TFB1M: variants seen among roughly 807,000 people sequenced by gnomAD.
TFB1M encodes the protein dimethyladenosine transferase 1, mitochondrial.
A neutral mutation model predicts 31.1 loss-of-function variants in TFB1M; 27 were observed. The observed-to-expected ratio is 0.87, with a 90% CI of 0.64 to 1.20. TFB1M has a LOEUF of 1.20. TFB1M is among the 50% of genes most tolerant of loss of function. The pLI, the probability that TFB1M is intolerant of heterozygous loss-of-function variation, is 0.00. For missense variants in TFB1M, 394 were observed against 418.7 expected (o/e 0.94, Z 0.51); for synonymous variants, 166 against 151.8 (o/e 1.09, Z -0.69).
chr6:155,265,730 ATATATAT>A (rs796982299), intron 5 of TFB1M, among the ~76,000 whole-genome samples: 2,777 of 146,030 alleles, frequency 0.019, 68 homozygotes, highest in South Asian at 0.049. Context: ...TATAATATAA[ATATATAT>A]TATATATAAT....
intron 5 of TFB1M, among the ~76,000 whole-genome samples, chr6:155,268,098 A>G (rs1235055607): frequency 1.3e-5 from 2 of 152,178 alleles, no homozygotes; most frequent in African/African-American, 2.4e-5. Flanking sequence ...AGAATTTATG[A>G]ACACCCTTTA....
intron 5 of TFB1M, among the ~76,000 whole-genome samples, chr6:155,261,725 T>C (rs190719741): frequency 7.9e-5 from 12 of 152,176 alleles, no homozygotes; most frequent in African/African-American, 2.9e-4. Flanking sequence ...TCAGGTCAGC[T>C]ACAGCTGCTC....
the TFB1M span, chr6:155,244,849 A>G: frequency 3.3e-6 from 5 of 1,501,246 alleles, no homozygotes; most frequent in Non-Finnish European, 3.6e-6. Context: ...CTCTCATGAG[A>G]ATTCTCTCAT....
intron 4 of TFB1M, among the ~76,000 whole-genome samples, chr6:155,288,420 A>G (rs918429572): frequency 3.9e-5 from 6 of 152,238 alleles, no homozygotes; most frequent in African/African-American, 1.2e-4. Context: ...GATTTAAGTT[A>G]AAGAATAAGC....
At chr6:155,303,839 G>A (rs1415433690) in intron 2 of TFB1M, among the ~76,000 whole-genome samples, 1 of 152,154 alleles carries the variant, frequency 6.6e-6, no homozygotes, top group African/African-American at 2.4e-5. Context: ...ATCCACAGAA[G>A]AGAACTATTA....
chr6:155,245,522 T>C, the TFB1M span: 9 of 970,022 alleles, frequency 9.3e-6, no homozygotes, highest in Admixed American at 3.7e-5. Flanking sequence ...AAGGCATTAG[T>C]GCTATGGAAT....
chr6:155,246,528 G>C, the TFB1M span, among the ~76,000 whole-genome samples: 3 of 152,040 alleles, frequency 2.0e-5, no homozygotes, highest in Non-Finnish European at 4.4e-5. Flanking sequence ...GTAGAAATGG[G>C]TCTCACTGTG....
At chr6:155,267,350 TAG>T (rs1380878124) in intron 5 of TFB1M, among the ~76,000 whole-genome samples, 13 of 152,288 alleles carry the variant, frequency 8.5e-5, no homozygotes, top group Middle Eastern at 6.8e-3. Flanking sequence ...ACCTAAAATA[TAG>T]AGACAAATCT....
the TFB1M span, chr6:155,250,759 TC>T: frequency 8.9e-7 from 1 of 1,128,906 alleles, no homozygotes; most frequent in Non-Finnish European, 1.3e-6. Flanking sequence ...TTTCAAAAGC[TC>T]CACCGTTTAA....
downstream of TFB1M, chr6:155,254,970 A>G (rs1445614377): frequency 6.2e-6 from 1 of 161,700 alleles, no homozygotes; most frequent in East Asian, 1.7e-4. Context: ...GGTTCAACCT[A>G]CAATTTTTCG....
At chr6:155,266,446 G>C (rs186386897) in intron 5 of TFB1M, among the ~76,000 whole-genome samples, 182 of 152,232 alleles carry the variant, frequency 1.2e-3, no homozygotes, top group Non-Finnish European at 3.4e-4. Flanking sequence ...AGTGCAGCTA[G>C]AGCCCTGTGA....
intron 2 of TFB1M, chr6:155,299,543 A>T (rs1777335434): frequency 6.6e-6 from 1 of 152,224 alleles, no homozygotes; most frequent in African/African-American, 2.4e-5. Context: ...GAGAAGAAAC[A>T]TCACTGCTAA....
chr6:155,267,418 G>C (rs563347066), intron 5 of TFB1M, among the ~76,000 whole-genome samples: 68 of 152,370 alleles, frequency 4.5e-4, no homozygotes, highest in African/African-American at 1.5e-3. Flanking sequence ...CCTACACACA[G>C]ACCAGGTGGT....
In TFB1M at chr6:155,288,948, G is replaced by C. The variant is rs116163939; in HGVS notation, c.547-3671C>G. Reference sequence around the variant, plus strand: ...AGATGATTTTAGCAACAAAAGGTCAGGAAACCAAACTAGTTAATTTTTCTT... The same window carrying C: ...AGATGATTTTAGCAACAAAAGGTCACGAAACCAAACTAGTTAATTTTTCTT... On this transcript the variant is annotated intron_variant, in intron 4 of 6. Coordinates refer to ENST00000367166, the MANE Select transcript of TFB1M (RefSeq NM_016020.4). Among the ~76,000 whole-genome samples the C allele has an allele frequency of 7.9e-3, 1,199 of 152,248 alleles. 16 individuals carry two copies. Among genetic ancestry groups the C allele is most frequent in the African/African-American group, 0.027 (1,139 of 41,544 alleles).
chr6:155,264,898 C>T (rs1349537022), intron 5 of TFB1M, among the ~76,000 whole-genome samples: 5 of 152,090 alleles, frequency 3.3e-5, no homozygotes, highest in Non-Finnish European at 7.4e-5. Context: ...GTCTCTTGGT[C>T]CCAAGAGATT....
the TFB1M span, chr6:155,250,100 G>A: frequency 1.6e-6 from 1 of 633,308 alleles, no homozygotes; most frequent in South Asian, 2.1e-5. Context: ...TGATAACAAT[G>A]TGTCTAATGA....
At chr6:155,309,499 A>G (rs895582309) in intron 2 of TFB1M, among the ~76,000 whole-genome samples, 1 of 152,172 alleles carries the variant, frequency 6.6e-6, no homozygotes, top group African/African-American at 2.4e-5. Flanking sequence ...GGGGAAACTG[A>G]GAAGAGAAGG....
At position 155,313,763 on chromosome 6, in the gene TFB1M, T is replaced by A. The variant is rs368546691; in HGVS notation, c.133+533A>T. ...TATCCTACCCCCGGCACTAGCACAATGTTGCTTGTGTAATATGTACTTATG... is the reference window on the plus strand; with the variant it reads ...TATCCTACCCCCGGCACTAGCACAAAGTTGCTTGTGTAATATGTACTTATG... On this transcript the variant is annotated intron_variant, in intron 1 of 6. Coordinates refer to ENST00000367166, the MANE Select transcript of TFB1M (RefSeq NM_016020.4). Among the ~76,000 whole-genome samples, 6 of 152,112 alleles carry A rather than the reference T, an allele frequency of 3.9e-5. No individual in the cohort carries two copies. In the South Asian group the frequency reaches 1.0e-3, roughly 26 times the overall value.
chr6:155,285,116 G>A (rs184728454), intron 5 of TFB1M, 42 bp downstream of exon 5: 22 of 1,611,422 alleles, frequency 1.4e-5, no homozygotes, highest in Admixed American at 1.3e-4. Context: ...GGGAACAAAC[G>A]TCCTAATTCC....
Sources: gnomAD v4.1 joint callset for allele counts (sites outside exome capture counted in the v4.1 genomes callset) on GRCh38, gnomAD v4.1.1 for gene constraint, MANE v1.5 for transcripts, NCBI Gene and HGNC (gene_info 2026-07-23, HGNC 2026-07-21) for gene names.